Variants in AGO1 observed in about 807,000 individuals in gnomAD.
The protein encoded by AGO1 is protein argonaute-1.
Under a neutral mutation model 109.2 loss-of-function variants are expected in AGO1, and 11 were observed. That is an observed-to-expected ratio of 0.10 (90% CI 0.06 to 0.17). The LOEUF (loss-of-function observed/expected upper bound fraction) is 0.17. Among genes scored for constraint, AGO1 ranks in the 10% least tolerant of loss-of-function variants. AGO1 has a pLI of 1.00. For synonymous variants in AGO1, 422 were observed against 418.6 expected, an observed-to-expected ratio of 1.01 and a Z score of -0.10; for missense variants, 574 against 1,140.3, an observed-to-expected ratio of 0.50 and a Z score of 7.15.
chr1:35,913,241 A>G (rs1484260550), intron 12 of AGO1, among the ~76,000 whole-genome samples: 16 of 149,620 alleles, frequency 1.1e-4, no homozygotes, highest in Non-Finnish European at 3.0e-5. Flanking sequence ...GGATGATCTC[A>G]ATCTCCTGAC....
rs1645952755 is a variant in AGO1, at chr1:35,927,469, G to C, written c.*7862G>C. The stretch of plus-strand genomic sequence containing the variant: ...ATATGGCTACTGTAATTCTGGGAAG[G>C]AAATGCTGACAGAACCGTGTCTGGC... On this transcript the variant is annotated 3_prime_UTR_variant, in exon 19 of 19. Coordinates refer to ENST00000373204, the MANE Select transcript of AGO1 (RefSeq NM_012199.5). 6.6e-6 allele frequency: 1 copy of C among 152,112 alleles called. No homozygotes were observed. The highest frequency in any genetic ancestry group is 2.1e-4 in the South Asian group (1 of 4,832). 9.4% of individuals were successfully genotyped at this position (152,112 alleles called of 1,614,324 possible). A position where few individuals can be genotyped will look rare whatever the true frequency, so the allele number is the denominator to read the frequency against.
At chr1:35,887,221 C>T (rs769757522) in intron 1 of AGO1, among the ~76,000 whole-genome samples, 2 of 152,166 alleles carry the variant, frequency 1.3e-5, no homozygotes, top group Non-Finnish European at 2.9e-5. Flanking sequence ...GTTCTGACCT[C>T]TTCCTGACCC....
At chr1:35,878,675 T>G (rs1645011298), upstream of AGO1, among the ~76,000 whole-genome samples, 1 of 152,190 alleles carries the variant, frequency 6.6e-6, no homozygotes, top group Non-Finnish European at 1.5e-5. Context: ...TTAACTCAGG[T>G]TATTTTGTAT....
Position 35,894,107 on chromosome 1 carries a change from C to T in AGO1, c.720C>T (p.Asn240=). 6.3e-7 allele frequency: 1 copy of T among 1,590,616 alleles called. No homozygotes were observed. The highest frequency in any genetic ancestry group is 1.1e-5 in the South Asian group (1 of 87,126). Reference sequence around the variant, plus strand: ...TGTGTGAGGTGCTGGACATCAGGAACATAGATGAGCAGCCCAAGCCCCTCA... The same window carrying T: ...TGTGTGAGGTGCTGGACATCAGGAATATAGATGAGCAGCCCAAGCCCCTCA... The part of the protein sequence containing the change: ...EFMCEVLDIR[N]IDEQPKPLTD... Residue 240 remains asparagine, a synonymous_variant, in exon 6 of 19, where the codon AAC becomes AAT. Transcript: ENST00000373204.
chr1:35,894,823 C>T (rs1210582141), intron 7 of AGO1, among the ~76,000 whole-genome samples: 1 of 152,156 alleles, frequency 6.6e-6, no homozygotes, highest in East Asian at 1.9e-4. Flanking sequence ...CTGTGTCAGG[C>T]TTTATGCTCA....
At chr1:35,870,290 GT>G (rs561326184) in intron 1 of AGO1, among the ~76,000 whole-genome samples, 40 of 144,924 alleles carry the variant, frequency 2.8e-4, no homozygotes, top group Non-Finnish European at 3.2e-4. Context: ...GTTGTTTTTT[GT>G]TTTTTTTTTT....
rs770775347 is a variant in AGO1, at chr1:35,906,886, G to A, written c.1398-49G>A. 3.9e-6 allele frequency: 6 copies of A among 1,535,900 alleles called. No homozygotes were observed. The African/African-American group carries it at 6.9e-5, about 18-fold the overall frequency. ...TAAGATGGATGGATTTTTGTCAGAA[G>A]AATTCAAGTGAGACTCACTGCCTCC... is the stretch of plus-strand genomic sequence containing the variant. On this transcript the variant is annotated intron_variant, in intron 11 of 18. Coordinates refer to ENST00000373204, the MANE Select transcript of AGO1 (RefSeq NM_012199.5).
intron 12 of AGO1, among the ~76,000 whole-genome samples, chr1:35,911,922 A>C (rs529931015): frequency 5.1e-4 from 77 of 152,190 alleles, no homozygotes; most frequent in African/African-American, 1.8e-3. Flanking sequence ...ATACAACACT[A>C]TCTTAGTCTT....
chr1:35,928,636 C>T lies in AGO1; in HGVS notation c.*9029C>T, dbSNP rs918514248. 6.6e-6 allele frequency: 1 copy of T among 152,146 alleles called. No homozygotes were observed. The highest frequency in any genetic ancestry group is 2.4e-5 in the African/African-American group (1 of 41,430). 9.4% of individuals were successfully genotyped at this position (152,146 alleles called of 1,614,324 possible). A position where few individuals can be genotyped will look rare whatever the true frequency, so the allele number is the denominator to read the frequency against. On this transcript the variant is annotated 3_prime_UTR_variant, in exon 19 of 19. Transcript: ENST00000373204. ...TGAGTTTTATTGAGTTGTAAGAGTT[C>T]TTTATTCATTTTAAACACAAGTCCT...
intron 12 of AGO1, among the ~76,000 whole-genome samples, chr1:35,912,420 A>G (rs1031027456): frequency 6.6e-6 from 1 of 151,112 alleles, no homozygotes; most frequent in African/African-American, 2.4e-5. Context: ...TAATTATCAC[A>G]CAAATTTGCA....
intron 1 of AGO1, among the ~76,000 whole-genome samples, chr1:35,870,966 T>G (rs749527963): frequency 2.0e-5 from 3 of 152,248 alleles, no homozygotes; most frequent in Non-Finnish European, 4.4e-5. Context: ...TCACAATTCA[T>G]GTATCTGTTC....
At position 35,893,465 on chromosome 1, in the gene AGO1, G is replaced by A; in HGVS notation, c.512+187G>A. 1 of 810,732 alleles carries A rather than the reference G, an allele frequency of 1.2e-6. No individual in the cohort carries two copies. Among genetic ancestry groups the A allele is most frequent in the Non-Finnish European group, 1.9e-6 (1 of 530,926 alleles). The allele number at this position is 810,732 out of a possible 1,614,324, so 50.2% of individuals were successfully genotyped here. A position where few individuals can be genotyped will look rare whatever the true frequency, so the allele number is the denominator to read the frequency against. On this transcript the variant is annotated intron_variant, in intron 4 of 18. Coordinates refer to ENST00000373204, the MANE Select transcript of AGO1 (RefSeq NM_012199.5). This position sits in a 1 kb window ranked among gnomAD's most constrained non-coding sequence, Gnocchi z 5.6. ...TAAAGCCCTGGCCCTGAACTTCTTAGATATCTTTGGGCCTCATCCCATCTG... is the reference window on the plus strand; with the variant it reads ...TAAAGCCCTGGCCCTGAACTTCTTAAATATCTTTGGGCCTCATCCCATCTG...
chr1:35,901,418 G>A lies in AGO1; in HGVS notation c.1021-56G>A. 6.2e-7 allele frequency: 1 copy of A among 1,605,738 alleles called. No homozygotes were observed. Among genetic ancestry groups the A allele is most frequent in the Non-Finnish European group, 8.5e-7 (1 of 1,175,074 alleles). ...GTATCTTTCCTTATTGTGGGGCTCT[G>A]GGTACAGGGTGGACTGTACTCAAGC... On this transcript the variant is annotated intron_variant, in intron 8 of 18. Coordinates refer to ENST00000373204, the MANE Select transcript of AGO1 (RefSeq NM_012199.5). This position sits in a 1 kb window ranked among gnomAD's most constrained non-coding sequence, Gnocchi z 4.8.
Position 35,926,955 on chromosome 1 carries a change from T to G in AGO1, c.*7348T>G, listed in dbSNP as rs1373639324. ...GTTTTTTGTTTGGGGTTTTTTTTTT[T>G]TTTTTTTTGGACAAAGTATAATAAT... On this transcript the variant is annotated 3_prime_UTR_variant, in exon 19 of 19. Coordinates refer to ENST00000373204, the MANE Select transcript of AGO1 (RefSeq NM_012199.5). 2 of 151,348 alleles carry G rather than the reference T, an allele frequency of 1.3e-5. No individual in the cohort carries two copies. The highest frequency in any genetic ancestry group is 1.5e-5 in the Non-Finnish European group (1 of 67,922). The allele number at this position is 151,348 out of a possible 1,614,324, so 9.4% of individuals were successfully genotyped here.
At chr1:35,882,023 G>T (rs1401384335), upstream of AGO1, among the ~76,000 whole-genome samples, 1 of 152,244 alleles carries the variant, frequency 6.6e-6, no homozygotes, top group Non-Finnish European at 1.5e-5. The surrounding 1 kb of genome is among the most constrained non-coding windows in gnomAD (Gnocchi z 5.1). Context: ...AGGTAAACAT[G>T]TCAAGACGTG....
intron 13 of AGO1, 87 bp downstream of exon 13, chr1:35,914,088 T>G: frequency 6.3e-7 from 1 of 1,597,980 alleles, no homozygotes; most frequent in Non-Finnish European, 8.6e-7. Context: ...GCAGACTGAA[T>G]CAGACATAAG....
At chr1:35,911,191 C>G (rs548514366) in intron 12 of AGO1, among the ~76,000 whole-genome samples, 8 of 152,140 alleles carry the variant, frequency 5.3e-5, no homozygotes, top group Admixed American at 4.6e-4. Flanking sequence ...TTTATCCTTT[C>G]ACCAGCAGTG....
At chr1:35,891,094 A>T (rs1027972278) in intron 2 of AGO1, among the ~76,000 whole-genome samples, 5 of 152,172 alleles carry the variant, frequency 3.3e-5, no homozygotes, top group African/African-American at 1.2e-4. Context: ...GCTAGTGGAG[A>T]AAGTTCTACA....
rs1471812605 is a variant in AGO1 at position 35,922,259 on chromosome 1, T to G, written c.*2652T>G. 1 of 152,672 alleles carries G rather than the reference T, an allele frequency of 6.5e-6. No homozygotes were observed. The highest frequency in any genetic ancestry group is 1.5e-5 in the Non-Finnish European group (1 of 68,042). 9.5% of individuals were successfully genotyped at this position (152,672 alleles called of 1,614,324 possible). A position where few individuals can be genotyped will look rare whatever the true frequency, so the allele number is the denominator to read the frequency against. On this transcript the variant is annotated 3_prime_UTR_variant, in exon 19 of 19. Transcript: ENST00000373204. ...GAAATAAAAAGCAAGAGAATCAGCT[T>G]TGGGCAATGACAAGAAATGAGTTCT...
Sources: allele counts gnomAD v4.1 joint callset (sites outside exome capture counted in the v4.1 genomes callset), GRCh38; gene constraint gnomAD v4.1.1; non-coding constraint Gnocchi (gnomAD v3.1); transcripts MANE v1.5; gene names NCBI Gene and HGNC (gene_info 2026-07-23, HGNC 2026-07-21).